The following GABPB2 variants were observed in gnomAD, a reference collection of about 807,000 sequenced individuals.
The protein encoded by GABPB2 is GA-binding protein subunit beta-2.
In GABPB2, 23 loss-of-function variants were observed where a neutral mutation model predicts 39.1. The ratio of observed to expected loss-of-function variants is 0.59; its 90% CI spans 0.42 to 0.83. The LOEUF is 0.83. Ranked by LOEUF, GABPB2 falls within the 40% of genes least tolerant of loss-of-function variation. The pLI is 0.00. For missense variants in GABPB2, 467 were observed against 541.1 expected (o/e 0.86, Z 1.36); for synonymous variants, 184 against 199.3 (o/e 0.92, Z 0.65).
At chr1:151,089,008 A>T (rs2101483531) in intron 2 of GABPB2, among the ~76,000 whole-genome samples, 1 of 152,066 alleles carries the variant, frequency 6.6e-6, no homozygotes, top group South Asian at 2.1e-4. Flanking sequence ...AAAAGAAGTC[A>T]TCTAGCTGTT....
chr1:151,071,453 C>CT (rs71090124), intron 1 of GABPB2, among the ~76,000 whole-genome samples: 21 of 100,506 alleles, frequency 2.1e-4, no homozygotes, highest in South Asian at 6.8e-4. Context: ...CTTTTTTGCT[C>CT]TTTTTTTTTT....
chr1:151,084,293 C>T (rs1350539390), intron 1 of GABPB2, among the ~76,000 whole-genome samples: 1 of 151,338 alleles, frequency 6.6e-6, no homozygotes, highest in Non-Finnish European at 1.5e-5. Flanking sequence ...GGCGGGATCT[C>T]GGCTCACCGC....
chr1:151,087,852 T>C (rs74125087), intron 1 of GABPB2, among the ~76,000 whole-genome samples: 2 of 152,164 alleles, frequency 1.3e-5, no homozygotes, highest in South Asian at 4.1e-4. Context: ...TTTTATATTA[T>C]GTTCCTTAAA....
chr1:151,083,245 T>C (rs921146241), intron 1 of GABPB2, among the ~76,000 whole-genome samples: 3 of 152,214 alleles, frequency 2.0e-5, no homozygotes, highest in Non-Finnish European at 4.4e-5. Context: ...AAGTCTTTAA[T>C]GTGAGTTACC....
intron 7 of GABPB2, among the ~76,000 whole-genome samples, chr1:151,108,982 T>C (rs1680174729): frequency 6.6e-6 from 1 of 151,512 alleles, no homozygotes; most frequent in Admixed American, 6.6e-5. Flanking sequence ...AGACCAAGAG[T>C]TCCAAATCAG....
rs1297522892 is a variant in GABPB2, at chr1:151,124,963, C to T, written c.*6707C>T. The stretch of plus-strand genomic sequence containing the variant: ...ATTCCCTATCTCCCCCTCCTCCTAC[C>T]TTTTCTGCTTTTGTGATTCCATTGT... On this transcript the variant is annotated 3_prime_UTR_variant, in exon 9 of 9. Coordinates refer to ENST00000368918, the MANE Select transcript of GABPB2 (RefSeq NM_144618.3). The T allele has an allele frequency of 6.6e-6, 1 of 152,130 alleles. No individual in the cohort carries two copies. The highest frequency in any genetic ancestry group is 1.5e-5 in the Non-Finnish European group (1 of 68,042). 9.4% of individuals were successfully genotyped at this position (152,130 alleles called of 1,614,324 possible).
rs145319455 is a variant in GABPB2, at chr1:151,113,919, TC to T, written c.923-3471del. On this transcript the variant is annotated intron_variant, in intron 7 of 8. Coordinates refer to ENST00000368918, the MANE Select transcript of GABPB2 (RefSeq NM_144618.3). ...TTCAGCATAATTCCCTTGATACCCA[TC>T]CAAGTTGTTGTTTGAATCAATATTT... 3.2e-3 allele frequency among the ~76,000 whole-genome samples: 494 copies of T among 152,328 alleles called. 2 individuals carry two copies. The highest frequency in any genetic ancestry group is 8.3e-3 in the South Asian group (40 of 4,834).
chr1:151,088,569 G>T, intron 2 of GABPB2: 3 of 657,122 alleles, frequency 4.6e-6, no homozygotes, highest in Non-Finnish European at 7.0e-6. Flanking sequence ...TTTTCTAAAG[G>T]TTTAACTGTC....
intron 1 of GABPB2, among the ~76,000 whole-genome samples, chr1:151,080,404 G>A (rs1274258885): frequency 6.7e-6 from 1 of 149,846 alleles, no homozygotes; most frequent in Non-Finnish European, 1.5e-5. Flanking sequence ...CCAGGTACTC[G>A]GGAGGCTGAG....
rs1681292994 is a variant in GABPB2, at chr1:151,124,180, T to TA, written c.*5927dup. On this transcript the variant is annotated 3_prime_UTR_variant, in exon 9 of 9. Coordinates refer to ENST00000368918, the MANE Select transcript of GABPB2 (RefSeq NM_144618.3). ...CTTTTTTCTTTTCTTTTTTTTTTTTTAAACAGAGTCTCTCTCTGTCACCCA... is the reference window on the plus strand; with the variant it reads ...CTTTTTTCTTTTCTTTTTTTTTTTTTAAAACAGAGTCTCTCTCTGTCACCCA... 2.0e-5 allele frequency: 3 copies of TA among 148,846 alleles called. No individual in the cohort carries two copies. The highest frequency in any genetic ancestry group is 3.0e-5 in the Non-Finnish European group (2 of 67,536). 9.2% of individuals were successfully genotyped at this position (148,846 alleles called of 1,614,324 possible).
Position 151,097,844 on chromosome 1 carries a change from T to C in GABPB2, c.472-8T>C. 6.2e-7 allele frequency: 1 copy of C among 1,612,268 alleles called. No homozygotes were observed. Among genetic ancestry groups the C allele is most frequent in the South Asian group, 1.1e-5 (1 of 90,956 alleles). On this transcript the variant is annotated splice_region_variant and splice_polypyrimidine_tract_variant and intron_variant, in intron 4 of 8. Transcript: ENST00000368918. ...GTTCTGATTGAAATATCCTGCCTTG[T>C]TTGATAGGAAGCAATGCAGAATCAG...
intron 1 of GABPB2, among the ~76,000 whole-genome samples, chr1:151,075,694 G>C (rs1411464283): frequency 1.3e-5 from 2 of 150,812 alleles, no homozygotes; most frequent in African/African-American, 4.9e-5. Context: ...AGGCAACAGA[G>C]CGAGACTTCA....
chr1:151,102,405 T>C (rs1419905044), intron 5 of GABPB2, among the ~76,000 whole-genome samples: 1 of 152,218 alleles, frequency 6.6e-6, no homozygotes, highest in Non-Finnish European at 1.5e-5. Context: ...GTTAATCTAT[T>C]GTACTACCCT....
chr1:151,115,974 G>A (rs974392366), intron 7 of GABPB2, among the ~76,000 whole-genome samples: 1 of 152,020 alleles, frequency 6.6e-6, no homozygotes, highest in African/African-American at 2.4e-5. Context: ...GTGATGGCAT[G>A]CACCTGTAGT....
intron 5 of GABPB2, among the ~76,000 whole-genome samples, chr1:151,098,826 G>A (rs1388157623): frequency 1.3e-5 from 2 of 152,174 alleles, no homozygotes; most frequent in African/African-American, 4.8e-5. Context: ...CCTCACGCCT[G>A]TAGTCCCAGC....
chr1:151,075,714 A>C (rs1017926485), intron 1 of GABPB2, among the ~76,000 whole-genome samples: 58 of 146,324 alleles, frequency 4.0e-4, no homozygotes, highest in African/African-American at 1.4e-3. Context: ...ATCTCAAAAA[A>C]ACCCCCCCCA....
intron 1 of GABPB2, among the ~76,000 whole-genome samples, chr1:151,079,279 G>A (rs1357531818): frequency 2.6e-5 from 4 of 152,006 alleles, no homozygotes; most frequent in East Asian, 3.9e-4. Flanking sequence ...AGTGGCTCAC[G>A]CCTGTAATCC....
intron 1 of GABPB2, among the ~76,000 whole-genome samples, chr1:151,077,289 C>T (rs1270510476): frequency 6.6e-6 from 1 of 151,168 alleles, no homozygotes; most frequent in Non-Finnish European, 1.5e-5. Context: ...TTCTGACTTT[C>T]TGACAGGCCC....
chr1:151,104,814 CCTTT>C lies in GABPB2; in HGVS notation c.736+1154_736+1157del, dbSNP rs962586735. Among the ~76,000 whole-genome samples the C allele has an allele frequency of 2.4e-3, 87 of 36,324 alleles. 1 individual carries two copies. In the East Asian group the frequency reaches 0.17, roughly 69 times the overall value. 23.8% of individuals were successfully genotyped at this position (36,324 alleles called of 152,430 possible). On this transcript the variant is annotated intron_variant, in intron 6 of 8. Transcript: ENST00000368918. ...CTTTCTTTCTTTCTTTTCTTTCTTT[CCTTT>C]CTTTCTTTCTTTCTCTTCTCTCTCT...
Sources: gnomAD v4.1 joint callset for allele counts (sites outside exome capture counted in the v4.1 genomes callset) on GRCh38, gnomAD v4.1.1 for gene constraint, MANE v1.5 for transcripts, NCBI Gene and HGNC (gene_info 2026-07-23, HGNC 2026-07-21) for gene names.